Variants in KLRG1 observed in about 807,000 individuals in gnomAD.
KLRG1 encodes the protein killer cell lectin-like receptor subfamily G member 1.
A neutral mutation model predicts 21.8 loss-of-function variants in KLRG1; 16 were observed. That is an observed-to-expected ratio of 0.73 (90% CI 0.50 to 1.11). The LOEUF (loss-of-function observed/expected upper bound fraction) is 1.11, where lower values mean the gene tolerates loss of function less well. Ranked by LOEUF, KLRG1 falls within the 50% of genes most tolerant of loss-of-function variation. The probability of loss-of-function intolerance (pLI) is 0.00; values close to 1 mark genes in which losing one functional copy is unlikely to be tolerated. For synonymous variants in KLRG1, 69 were observed against 75.9 expected, an observed-to-expected ratio of 0.91 and a Z score of 0.47; for missense variants, 173 against 218.3, an observed-to-expected ratio of 0.79 and a Z score of 1.31.
chr12:9,182,151 T>TAA, the KLRG1 span: 1 of 1,605,442 alleles, frequency 6.2e-7, no homozygotes, highest in East Asian at 2.2e-5. Context: ...AAAATGGTCA[T>TAA]AAGTGAGACA....
At chr12:9,045,618 A>G in the KLRG1 span, among the ~76,000 whole-genome samples, 2 of 152,244 alleles carry the variant, frequency 1.3e-5, no homozygotes, top group Non-Finnish European at 2.9e-5. Flanking sequence ...TCTAATAGAA[A>G]AAGTGGACAA....
chr12:9,137,200 C>A, the KLRG1 span, among the ~76,000 whole-genome samples: 1 of 152,010 alleles, frequency 6.6e-6, no homozygotes, highest in Non-Finnish European at 1.5e-5. Flanking sequence ...TGAGTTAATT[C>A]TTGTGTATGG....
chr12:9,160,980 A>T, the KLRG1 span: 1 of 1,332,334 alleles, frequency 7.5e-7, no homozygotes, highest in South Asian at 1.2e-5. Flanking sequence ...CGTAGATAAG[A>T]TGTACAGTGG....
chr12:9,127,270 A>G, the KLRG1 span, among the ~76,000 whole-genome samples: 1 of 152,130 alleles, frequency 6.6e-6, no homozygotes, highest in African/African-American at 2.4e-5. Context: ...GGGCTTGGTT[A>G]GCTTTCTGAG....
the KLRG1 span, among the ~76,000 whole-genome samples, chr12:9,097,725 T>C: frequency 6.6e-6 from 1 of 151,168 alleles, no homozygotes; most frequent in African/African-American, 2.4e-5. Context: ...CTCTGCCTCC[T>C]GGGTTCAAGT....
the KLRG1 span, chr12:9,027,733 T>C: frequency 7.4e-7 from 1 of 1,349,408 alleles, no homozygotes; most frequent in Admixed American, 1.7e-5. Context: ...ACCTCCAAAA[T>C]TGCTTCCATC....
chr12:9,026,071 T>G, the KLRG1 span, among the ~76,000 whole-genome samples: 5 of 152,192 alleles, frequency 3.3e-5, no homozygotes, highest in African/African-American at 9.6e-5. Flanking sequence ...GCACGGTTTT[T>G]GGCAGCAGCC....
chr12:9,084,501 A>G, the KLRG1 span, among the ~76,000 whole-genome samples: 1 of 152,154 alleles, frequency 6.6e-6, no homozygotes, highest in Non-Finnish European at 1.5e-5. Context: ...AATTGACTGT[A>G]AACCCCATAG....
the KLRG1 span, among the ~76,000 whole-genome samples, chr12:9,206,878 C>T: frequency 6.6e-6 from 1 of 152,136 alleles, no homozygotes; most frequent in Non-Finnish European, 1.5e-5. Context: ...ATGTTTCTGA[C>T]CCAATACACG....
At chr12:8,951,256 T>G (rs1038834964) in intron 1 of KLRG1, among the ~76,000 whole-genome samples, 15 of 151,938 alleles carry the variant, frequency 9.9e-5, no homozygotes, top group African/African-American at 3.6e-4. Flanking sequence ...AAGGATCACT[T>G]GAGGTCAGGA....
chr12:9,101,268 T>C, the KLRG1 span: 1 of 1,498,136 alleles, frequency 6.7e-7, no homozygotes, highest in Middle Eastern at 1.7e-4. Flanking sequence ...TCAGTCTCAC[T>C]TCAATATACT....
chr12:9,163,188 G>A, the KLRG1 span, among the ~76,000 whole-genome samples: 5 of 151,454 alleles, frequency 3.3e-5, 1 homozygote, highest in Middle Eastern at 6.8e-3. Flanking sequence ...AAGAAATTGC[G>A]CTCAATGTAA....
intron 3 of KLRG1, among the ~76,000 whole-genome samples, chr12:9,006,045 A>G (rs973499291): frequency 1.3e-5 from 2 of 152,214 alleles, no homozygotes; most frequent in African/African-American, 4.8e-5. Flanking sequence ...TCTATAGTTA[A>G]CAACCATTTA....
At chr12:9,170,850 C>T in the KLRG1 span, among the ~76,000 whole-genome samples, 5 of 152,140 alleles carry the variant, frequency 3.3e-5, no homozygotes, top group Admixed American at 2.0e-4. This position sits in a 1 kb window ranked among gnomAD's most constrained non-coding sequence, Gnocchi z 4.6. Context: ...TGATCTCTCC[C>T]TGGGACCGAG....
the KLRG1 span, chr12:9,158,639 G>A: frequency 3.3e-6 from 5 of 1,520,406 alleles, no homozygotes; most frequent in South Asian, 1.3e-5. Flanking sequence ...GCTCTGTTTT[G>A]TACACACAGG....
chr12:9,035,417 G>A, the KLRG1 span, among the ~76,000 whole-genome samples: 110 of 151,988 alleles, frequency 7.2e-4, no homozygotes, highest in Non-Finnish European at 1.0e-3. Context: ...TGGACACAGG[G>A]AGGGGAACAT....
At chr12:9,203,247 A>G in the KLRG1 span, among the ~76,000 whole-genome samples, 1 of 146,458 alleles carries the variant, frequency 6.8e-6, no homozygotes, top group African/African-American at 2.5e-5. Flanking sequence ...TTAGAAGAGT[A>G]TTTCTTCCTT....
At chr12:9,027,203 C>T in the KLRG1 span, among the ~76,000 whole-genome samples, 2 of 151,334 alleles carry the variant, frequency 1.3e-5, no homozygotes, top group South Asian at 2.1e-4. Flanking sequence ...TTAAAAGAGA[C>T]GTTTATTCAG....
At chr12:9,124,997 A>T in the KLRG1 span, among the ~76,000 whole-genome samples, 1 of 152,210 alleles carries the variant, frequency 6.6e-6, no homozygotes, top group Non-Finnish European at 1.5e-5. Flanking sequence ...AAGAGAGAGG[A>T]TGGAGGGACA....
Sources: allele counts gnomAD v4.1 joint callset (sites outside exome capture counted in the v4.1 genomes callset), GRCh38; gene constraint gnomAD v4.1.1; non-coding constraint Gnocchi (gnomAD v3.1); transcripts MANE v1.5; gene names NCBI Gene and HGNC (gene_info 2026-07-23, HGNC 2026-07-21).